Variants in RIN2 observed in about 807,000 individuals in gnomAD.
RIN2 encodes the protein RAB5 interacting protein 2.
Under a neutral mutation model 78.0 loss-of-function variants are expected in RIN2, and 36 were observed. The ratio of observed to expected loss-of-function variants is 0.46; its 90% CI spans 0.35 to 0.61. RIN2 has a LOEUF of 0.61. Among genes scored for constraint, RIN2 ranks in the 20% least tolerant of loss-of-function variants. RIN2 has a pLI of 0.00. For missense variants in RIN2, 1,087 were observed against 1,159.7 expected, an observed-to-expected ratio of 0.94 and a Z score of 0.91; for synonymous variants, 466 against 466.8, an observed-to-expected ratio of 1.00 and a Z score of 0.02.
chr20:19,969,819 G>A (rs1329138335), intron 7 of RIN2, among the ~76,000 whole-genome samples: 1 of 152,194 alleles, frequency 6.6e-6, no homozygotes, highest in Non-Finnish European at 1.5e-5. Context: ...CATATTTATT[G>A]AATATTCATT....
chr20:19,832,294 T>C (rs1294977785), intron 2 of RIN2, among the ~76,000 whole-genome samples: 1 of 146,422 alleles, frequency 6.8e-6, no homozygotes, highest in Non-Finnish European at 1.5e-5. Flanking sequence ...TAAGCCAGCA[T>C]GGTGATCTAG....
chr20:19,986,869 T>A (rs972913384), intron 9 of RIN2, among the ~76,000 whole-genome samples: 1 of 152,194 alleles, frequency 6.6e-6, no homozygotes, highest in Non-Finnish European at 1.5e-5. Context: ...TCAACAGAAT[T>A]TTACACACAT....
intron 10 of RIN2, among the ~76,000 whole-genome samples, chr20:19,991,841 A>G (rs141036906): frequency 1.8e-3 from 274 of 152,364 alleles, no homozygotes; most frequent in African/African-American, 6.0e-3. Flanking sequence ...TAAGCATTTT[A>G]TAATCTTGTT....
intron 3 of RIN2, among the ~76,000 whole-genome samples, chr20:19,894,892 C>T (rs2038649040): frequency 6.6e-6 from 1 of 152,100 alleles, no homozygotes; most frequent in South Asian, 2.1e-4. Context: ...CCTTGCTGGG[C>T]ACAGGACCAA....
chr20:19,835,106 AAGAAAGAG>A (rs2036379676), intron 2 of RIN2, among the ~76,000 whole-genome samples: 1 of 145,384 alleles, frequency 6.9e-6, no homozygotes, highest in Non-Finnish European at 1.5e-5. Context: ...AGAAGAAAGA[AAGAAAGAG>A]GGAGGAAGGA....
intron 2 of RIN2, among the ~76,000 whole-genome samples, chr20:19,844,401 A>G (rs933335496): frequency 6.6e-6 from 1 of 152,218 alleles, no homozygotes; most frequent in Non-Finnish European, 1.5e-5. Flanking sequence ...TATTGCCAAT[A>G]GCATGCAACC....
chr20:19,871,988 G>A (rs913007906), intron 2 of RIN2: 1 of 152,148 alleles, frequency 6.6e-6, no homozygotes, highest in Non-Finnish European at 1.5e-5. Context: ...GTTAGGCTTC[G>A]TGTCCCCACT....
intron 2 of RIN2, among the ~76,000 whole-genome samples, chr20:19,826,681 TC>T (rs1336033261): frequency 6.6e-6 from 1 of 152,222 alleles, no homozygotes; most frequent in Non-Finnish European, 1.5e-5. Flanking sequence ...TAACCTCTGT[TC>T]AATCCTTATC....
At chr20:19,971,511 T>C (rs2042106853) in intron 8 of RIN2, among the ~76,000 whole-genome samples, 1 of 152,024 alleles carries the variant, frequency 6.6e-6, no homozygotes. Context: ...GGGTTTAGCT[T>C]TTGCAAAAAA....
intron 3 of RIN2, among the ~76,000 whole-genome samples, chr20:19,927,925 T>A (rs562132793): frequency 1.3e-5 from 2 of 152,016 alleles, no homozygotes; most frequent in East Asian, 3.9e-4. Flanking sequence ...GTTTTTGAGA[T>A]GGAGTCTCAC....
intron 2 of RIN2, among the ~76,000 whole-genome samples, chr20:19,852,054 G>A (rs1353100303): frequency 3.3e-5 from 5 of 152,154 alleles, no homozygotes; most frequent in African/African-American, 7.2e-5. Context: ...TCTCAGGGCC[G>A]TGGCAGAAGC....
chr20:19,949,709 G>T (rs540855162), intron 4 of RIN2, among the ~76,000 whole-genome samples: 1 of 152,306 alleles, frequency 6.6e-6, no homozygotes, highest in South Asian at 2.1e-4. Context: ...GGTGATGTAG[G>T]GGGAGGTGCA....
At chr20:19,886,017 G>T (rs1342337111) in intron 2 of RIN2, among the ~76,000 whole-genome samples, 16 of 152,086 alleles carry the variant, frequency 1.1e-4, no homozygotes, top group Admixed American at 1.0e-3. Flanking sequence ...GGGAATAGGC[G>T]ACGGGGGAGG....
At chr20:19,812,971 A>T (rs755949369) in intron 2 of RIN2, among the ~76,000 whole-genome samples, 7 of 152,196 alleles carry the variant, frequency 4.6e-5, no homozygotes, top group Non-Finnish European at 1.0e-4. Flanking sequence ...ATCAAGAGTC[A>T]CTTGCTTTGT....
chr20:19,939,624 G>A (rs748005873), intron 4 of RIN2, among the ~76,000 whole-genome samples: 2 of 152,082 alleles, frequency 1.3e-5, no homozygotes, highest in Admixed American at 1.3e-4. Context: ...CTCTTCTCTA[G>A]CATTCTCTCC....
intron 1 of RIN2, among the ~76,000 whole-genome samples, chr20:19,789,198 C>A (rs927161947): frequency 2.0e-5 from 3 of 152,014 alleles, no homozygotes; most frequent in Admixed American, 6.6e-5. Context: ...CCACAGATGG[C>A]GCTAGTCAGT....
chr20:19,804,734 C>A (rs1273011933), intron 2 of RIN2, among the ~76,000 whole-genome samples: 1 of 152,094 alleles, frequency 6.6e-6, no homozygotes, highest in East Asian at 1.9e-4. Flanking sequence ...GGGAGAAGTC[C>A]CTCCTTTTCA....
At chr20:19,786,217 A>T (rs530008581) in intron 1 of RIN2, among the ~76,000 whole-genome samples, 17 of 152,300 alleles carry the variant, frequency 1.1e-4, no homozygotes, top group South Asian at 6.2e-4. Context: ...AATAGAATGC[A>T]GCAGAAATAA....
intron 1 of RIN2, among the ~76,000 whole-genome samples, chr20:19,797,599 G>A (rs2035097734): frequency 6.6e-6 from 1 of 152,202 alleles, no homozygotes; most frequent in African/African-American, 2.4e-5. Context: ...AAGATTAGAA[G>A]ACATTGTGAA....
Sources: gnomAD v4.1 joint callset for allele counts (sites outside exome capture counted in the v4.1 genomes callset) on GRCh38, gnomAD v4.1.1 for gene constraint, MANE v1.5 for transcripts, NCBI Gene and HGNC (gene_info 2026-07-23, HGNC 2026-07-21) for gene names.